The following BCAS3 variants were observed in gnomAD, a reference collection of about 807,000 sequenced individuals.
The protein encoded by BCAS3 is BCAS3 microtubule associated cell migration factor.
Under a neutral mutation model 116.1 loss-of-function variants are expected in BCAS3, and 53 were observed. The ratio of observed to expected loss-of-function variants is 0.46; its 90% CI spans 0.37 to 0.57. The LOEUF is 0.57. Among genes scored for constraint, BCAS3 ranks in the 20% least tolerant of loss-of-function variants. The pLI is 0.00. For missense variants in BCAS3, 917 were observed against 1,165.4 expected (o/e 0.79, Z 3.10); for synonymous variants, 391 against 408.2 (o/e 0.96, Z 0.51).
In BCAS3 at chr17:60,894,114, G is replaced by A. The variant is rs1445018899; in HGVS notation, c.738+4343G>A. ...TTAGGATAGCTTTTTCCAATTCTGT[G>A]GAAAAAACATTAATAATTTGATAAG... is the stretch of plus-strand genomic sequence containing the variant. On this transcript the variant is annotated intron_variant, in intron 10 of 23. Transcript: ENST00000407086. 2.6e-5 allele frequency among the ~76,000 whole-genome samples: 4 copies of A among 151,684 alleles called. No individual in the cohort carries two copies. In the South Asian group the frequency reaches 6.2e-4, roughly 24 times the overall value.
intron 11 of BCAS3, among the ~76,000 whole-genome samples, chr17:60,908,173 A>C (rs975303094): frequency 2.6e-5 from 4 of 151,898 alleles, no homozygotes; most frequent in African/African-American, 9.7e-5. Context: ...TTTCCCTAGG[A>C]AATATCAAAC....
chr17:60,937,232 GT>G (rs553397007), intron 13 of BCAS3, among the ~76,000 whole-genome samples: 55 of 145,678 alleles, frequency 3.8e-4, no homozygotes, highest in African/African-American at 1.2e-3. Context: ...CCATATATCT[GT>G]TTTTTTTTTA....
intron 16 of BCAS3, among the ~76,000 whole-genome samples, chr17:61,018,967 T>G (rs918907482): frequency 1.3e-5 from 2 of 152,194 alleles, no homozygotes; most frequent in Non-Finnish European, 2.9e-5. Flanking sequence ...CTACTATTTT[T>G]TATCCCTTCC....
intron 22 of BCAS3, among the ~76,000 whole-genome samples, chr17:61,262,444 G>T (rs1443844083): frequency 6.6e-6 from 1 of 151,096 alleles, no homozygotes; most frequent in African/African-American, 2.4e-5. Flanking sequence ...GTAGTGGCAC[G>T]ATCTCCACTC....
In BCAS3 at chr17:61,026,918, C is replaced by G. The variant is rs1224333916; in HGVS notation, c.1638-7748C>G. 1.3e-6 allele frequency: 2 copies of G among 1,598,288 alleles called. No homozygotes were observed. Among genetic ancestry groups the G allele is most frequent in the Non-Finnish European group, 1.7e-6 (2 of 1,171,204 alleles). ...TTCCATAAAAGCCCCATGGTGAGTT[C>G]CAGTTCAGTCCCGCATGCCTCATTC... is the stretch of plus-strand genomic sequence containing the variant. On this transcript the variant is annotated intron_variant, in intron 16 of 23. Transcript: ENST00000407086. The surrounding 1 kb of genome is among the most constrained non-coding windows in gnomAD (Gnocchi z 5.0).
At position 60,961,808 on chromosome 17, in the gene BCAS3, C is replaced by T. The variant is rs1259509897; in HGVS notation, c.1221+14456C>T. On this transcript the variant is annotated intron_variant, in intron 14 of 23. Transcript: ENST00000407086. The surrounding 1 kb of genome is among the most constrained non-coding windows in gnomAD (Gnocchi z 4.8). ...TTTTTCACATCAGATGGATAATGTG[C>T]TGACATTGTAACGAGGCTTGAGGAA... 2.6e-5 allele frequency among the ~76,000 whole-genome samples: 4 copies of T among 151,336 alleles called. No individual in the cohort carries two copies. Among genetic ancestry groups the T allele is most frequent in the Non-Finnish European group, 4.4e-5 (3 of 67,888 alleles).
At chr17:60,787,214 A>G (rs910725584) in intron 6 of BCAS3, among the ~76,000 whole-genome samples, 2 of 152,186 alleles carry the variant, frequency 1.3e-5, no homozygotes, top group Admixed American at 6.6e-5. Flanking sequence ...AGTTTTGACA[A>G]ATGTGTATAC....
intron 13 of BCAS3, among the ~76,000 whole-genome samples, chr17:60,932,657 G>A (rs12150349): frequency 0.19 from 29,004 of 149,322 alleles, 3,189 homozygotes; most frequent in African/African-American, 0.32. Flanking sequence ...CAGAAGAATG[G>A]CATGAACTTG....
rs114696271 is a variant in BCAS3 at position 61,272,203 on chromosome 17, A to G, written c.2426-96124A>G. On this transcript the variant is annotated intron_variant, in intron 22 of 23. Coordinates refer to ENST00000407086, the MANE Select transcript of BCAS3 (RefSeq NM_017679.5). ...GAAAAGCACTTCAAACATATTGTAT[A>G]CAGAAGCAATCAATGAGTATGCAGC... 8.4e-3 allele frequency among the ~76,000 whole-genome samples: 1,280 copies of G among 152,360 alleles called. 10 individuals carry two copies. The highest frequency in any genetic ancestry group is 0.03 in the African/African-American group (1,234 of 41,572).
intron 7 of BCAS3, among the ~76,000 whole-genome samples, chr17:60,857,856 A>C (rs7217171): frequency 0.22 from 33,336 of 152,096 alleles, 4,721 homozygotes; most frequent in African/African-American, 0.41. Flanking sequence ...TAAATAGTTT[A>C]TGGTTCTGAC....
chr17:61,141,569 TAA>T lies in BCAS3; in HGVS notation c.2425+57008_2425+57009del, dbSNP rs1323799352. Among the ~76,000 whole-genome samples, 2 of 147,078 alleles carry T rather than the reference TAA, an allele frequency of 1.4e-5. No individual in the cohort carries two copies. Among genetic ancestry groups the T allele is most frequent in the Non-Finnish European group, 3.0e-5 (2 of 66,424 alleles). ...CGAGACCCTGTCTCAAAAAATAAAA[TAA>T]AAGTTGAATCACCCACGTTTTAGAT... is the stretch of plus-strand genomic sequence containing the variant. On this transcript the variant is annotated intron_variant, in intron 22 of 23. Transcript: ENST00000407086. The surrounding 1 kb of genome is among the most constrained non-coding windows in gnomAD (Gnocchi z 4.3).
At chr17:61,250,607 G>T (rs1035089065) in intron 22 of BCAS3, among the ~76,000 whole-genome samples, 3 of 152,190 alleles carry the variant, frequency 2.0e-5, no homozygotes, top group Non-Finnish European at 2.9e-5. Flanking sequence ...TCTCTAAAAA[G>T]AAACTGAAAT....
intron 11 of BCAS3, among the ~76,000 whole-genome samples, chr17:60,907,257 T>G (rs1018326313): frequency 2.6e-5 from 4 of 152,334 alleles, no homozygotes; most frequent in Non-Finnish European, 5.9e-5. Flanking sequence ...AATATTGAAA[T>G]TGTTCAAATG....
In BCAS3 at chr17:61,368,452, A is replaced by G; in HGVS notation, c.2551A>G (p.Met851Val). 1.9e-6 allele frequency: 3 copies of G among 1,611,770 alleles called. No homozygotes were observed. Among genetic ancestry groups the G allele is most frequent in the Non-Finnish European group, 2.5e-6 (3 of 1,178,050 alleles). ...CCTCCGGGAGCGACTTGCCGACGCC[A>G]TGGCCGAGTCACCTAGCCGGGACGT... ...EGLRERLADAMAESPSRDVVG... is the reference protein window; with the variant it reads ...EGLRERLADAVAESPSRDVVG... Residue 851 changes from methionine (M) to valine (V), a missense_variant, in exon 23 of 24, where the codon ATG (methionine) becomes GTG (valine). By Grantham distance (21) the Met-to-Val change is conservative. Coordinates refer to ENST00000407086, the MANE Select transcript of BCAS3 (RefSeq NM_017679.5). This position sits in a 1 kb window ranked among gnomAD's most constrained non-coding sequence, Gnocchi z 6.0.
At chr17:60,759,963 G>A (rs1205315606) in intron 6 of BCAS3, among the ~76,000 whole-genome samples, 2 of 152,188 alleles carry the variant, frequency 1.3e-5, no homozygotes, top group African/African-American at 2.4e-5. Context: ...ACCATGCCAA[G>A]CCAAAATCTG....
chr17:61,170,315 C>T (rs11871955), intron 22 of BCAS3, among the ~76,000 whole-genome samples: 98,587 of 151,320 alleles, frequency 0.65, 34,934 homozygotes, highest in South Asian at 0.85. Flanking sequence ...TTTTTTGAGA[C>T]GGAGTCTCGC....
At chr17:60,944,509 T>C (rs2060382422) in intron 13 of BCAS3, among the ~76,000 whole-genome samples, 1 of 152,122 alleles carries the variant, frequency 6.6e-6, no homozygotes, top group Non-Finnish European at 1.5e-5. Flanking sequence ...GTAAGGAGCA[T>C]TCCCATTTGA....
chr17:60,704,702 G>A (rs1598172968), intron 4 of BCAS3, among the ~76,000 whole-genome samples: 1 of 151,996 alleles, frequency 6.6e-6, no homozygotes, highest in East Asian at 1.9e-4. Flanking sequence ...GCCGGGCATG[G>A]TGGTGCGTGC....
intron 22 of BCAS3, among the ~76,000 whole-genome samples, chr17:61,238,657 G>A (rs1300053565): frequency 2.6e-5 from 4 of 152,074 alleles, no homozygotes; most frequent in African/African-American, 7.2e-5. Flanking sequence ...TTTTCTGAGC[G>A]ACACATTTGC....
Sources: gnomAD v4.1 joint callset for allele counts (sites outside exome capture counted in the v4.1 genomes callset) on GRCh38, gnomAD v4.1.1 for gene constraint, Gnocchi (gnomAD v3.1) non-coding constraint, MANE v1.5 for transcripts, NCBI Gene and HGNC (gene_info 2026-07-23, HGNC 2026-07-21) for gene names.